Variants in COL25A1 observed in about 807,000 individuals in gnomAD.
COL25A1 encodes collagen alpha-1(XXV) chain.
Under a neutral mutation model 128.4 loss-of-function variants are expected in COL25A1, and 103 were observed. The observed-to-expected ratio is 0.80, with a 90% CI of 0.68 to 0.94. The LOEUF is 0.94. Ranked by LOEUF, COL25A1 falls within the 40% of genes least tolerant of loss-of-function variation. COL25A1 has a pLI of 0.00. For synonymous variants in COL25A1, 279 were observed against 277.2 expected (o/e 1.01, Z -0.06); for missense variants, 745 against 840.0 (o/e 0.89, Z 1.40).
rs186110605 is a variant in COL25A1 at position 108,924,644 on chromosome 4, A to C, written c.709-4040T>G. Among the ~76,000 whole-genome samples the C allele has an allele frequency of 2.4e-3, 359 of 152,260 alleles. 1 individual carries two copies. The highest frequency in any genetic ancestry group is 8.4e-3 in the African/African-American group (347 of 41,552). On this transcript the variant is annotated intron_variant, in intron 11 of 37. Transcript: ENST00000399132. ...CCCTTAGCTAACGTAACGTTCACCT[A>C]ATGACGACCCTACTTTTGGTCTCCT... is the stretch of plus-strand genomic sequence containing the variant.
At chr4:108,898,156 C>A (rs1742361099) in intron 15 of COL25A1, among the ~76,000 whole-genome samples, 1 of 152,132 alleles carries the variant, frequency 6.6e-6, no homozygotes, top group African/African-American at 2.4e-5. Context: ...AACAAACCAA[C>A]CTTCTTAGTA....
At chr4:109,094,522 T>C (rs1047563754) in intron 3 of COL25A1, among the ~76,000 whole-genome samples, 1 of 152,248 alleles carries the variant, frequency 6.6e-6, no homozygotes, top group African/African-American at 2.4e-5. Context: ...TGTGGTTTTA[T>C]ATTTGCTAAC....
At chr4:109,002,643 C>T (rs6533401) in intron 6 of COL25A1, among the ~76,000 whole-genome samples, 120,979 of 152,036 alleles carry the variant, frequency 0.8, 49,291 homozygotes, top group East Asian at 1. Context: ...GTGAAAAATA[C>T]GTTAATTTGA....
chr4:109,012,510 G>C (rs1030817760), intron 5 of COL25A1, among the ~76,000 whole-genome samples: 1 of 152,168 alleles, frequency 6.6e-6, no homozygotes, highest in Non-Finnish European at 1.5e-5. Context: ...TGCGTGCAGC[G>C]CTCGTGGGCC....
chr4:108,819,149 C>T (rs1731528701), intron 36 of COL25A1, 103 bp downstream of exon 36: 1 of 799,246 alleles, frequency 1.3e-6, no homozygotes, highest in East Asian at 2.6e-5. Context: ...GTGTGTTTAT[C>T]ATGTAAAGCT....
At chr4:108,846,249 A>G (rs759938158) in intron 27 of COL25A1, 30 bp from the exon 28 acceptor site, 1 of 1,404,546 alleles carries the variant, frequency 7.1e-7, no homozygotes, top group Non-Finnish European at 1.0e-6. Context: ...TTGGCATGTA[A>G]GCAGCATAAT....
intron 3 of COL25A1, among the ~76,000 whole-genome samples, chr4:109,249,947 A>AT (rs1158098964): frequency 6.6e-6 from 1 of 152,228 alleles, no homozygotes; most frequent in Non-Finnish European, 1.5e-5. Context: ...CATGTGGAGG[A>AT]TACTGAAGCA....
chr4:109,237,910 A>G (rs957557210), intron 3 of COL25A1, among the ~76,000 whole-genome samples: 3 of 152,076 alleles, frequency 2.0e-5, no homozygotes, highest in Non-Finnish European at 4.4e-5. Flanking sequence ...GTAAAACAAT[A>G]TATTTTTTGT....
chr4:108,951,924 G>A (rs775722939), intron 8 of COL25A1, among the ~76,000 whole-genome samples: 63 of 152,200 alleles, frequency 4.1e-4, no homozygotes, highest in Middle Eastern at 3.4e-3. Flanking sequence ...CCTAAAAACC[G>A]TAAGTTCTGA....
Position 109,302,124 on chromosome 4 carries a change from C to A in COL25A1, c.-57+45G>T, listed in dbSNP as rs2126295274. The A allele has an allele frequency of 2.9e-6, 4 of 1,383,586 alleles. No individual in the cohort carries two copies. The South Asian group carries it at 6.0e-5, about 21-fold the overall frequency. 85.7% of individuals were successfully genotyped at this position (1,383,586 alleles called of 1,614,324 possible). A position where few individuals can be genotyped will look rare whatever the true frequency, so the allele number is the denominator to read the frequency against. On this transcript the variant is annotated intron_variant, in intron 1 of 37. Transcript: ENST00000399132. ...TTCCTCCAAAGTTCAGTCCCTGTGG[C>A]TGCACAACTAGTTGGTGGAGTCAAG...
rs531321378 is a variant in COL25A1, at chr4:108,897,983, A to T, written c.861+1171T>A. On this transcript the variant is annotated intron_variant, in intron 15 of 37. Transcript: ENST00000399132. ...CCTTTTCCCTCCTAATTTCTACACA[A>T]AAGAGTCACCCAGTGACTAATTAAT... Among the ~76,000 whole-genome samples the T allele has an allele frequency of 1.4e-4, 22 of 152,270 alleles. No individual in the cohort carries two copies. The East Asian group carries it at 2.5e-3, about 17-fold the overall frequency.
chr4:108,839,638 T>C (rs1734195999), intron 31 of COL25A1, among the ~76,000 whole-genome samples: 2 of 152,194 alleles, frequency 1.3e-5, no homozygotes, highest in Non-Finnish European at 2.9e-5. Context: ...AGATCTGTCA[T>C]GAACTAGCTG....
intron 6 of COL25A1, among the ~76,000 whole-genome samples, chr4:108,999,805 T>A (rs1755171517): frequency 6.6e-6 from 1 of 152,218 alleles, no homozygotes; most frequent in South Asian, 2.1e-4. Context: ...GATGAGTTCA[T>A]GTCCTTTGCA....
intron 5 of COL25A1, among the ~76,000 whole-genome samples, chr4:109,019,239 G>T (rs1161546454): frequency 6.6e-6 from 1 of 151,632 alleles, no homozygotes; most frequent in Non-Finnish European, 1.5e-5. Context: ...TCTTCAGTTT[G>T]GAGACTGAGA....
At chr4:108,859,422 C>T (rs992654888) in intron 24 of COL25A1, among the ~76,000 whole-genome samples, 1 of 152,028 alleles carries the variant, frequency 6.6e-6, no homozygotes, top group Non-Finnish European at 1.5e-5. Context: ...TAAGGCTTAA[C>T]TATATCTGAA....
intron 31 of COL25A1, chr4:108,838,261 T>C (rs1390802436): frequency 1.1e-6 from 1 of 934,418 alleles, no homozygotes; most frequent in East Asian, 2.6e-5. Flanking sequence ...TCTGAAATAG[T>C]TGCAGATTCC....
intron 6 of COL25A1, among the ~76,000 whole-genome samples, chr4:108,979,779 C>T (rs1354814287): frequency 6.6e-6 from 1 of 152,172 alleles, no homozygotes; most frequent in African/African-American, 2.4e-5. Flanking sequence ...CACTATCAGC[C>T]AGGCGATGTA....
rs147823429 is a variant in COL25A1, at chr4:109,244,057, C to A, written c.367+56526G>T. Among the ~76,000 whole-genome samples the A allele has an allele frequency of 1.2e-4, 19 of 152,006 alleles. No individual in the cohort carries two copies. The East Asian group carries it at 3.3e-3, about 26-fold the overall frequency. On this transcript the variant is annotated intron_variant, in intron 3 of 37. Transcript: ENST00000399132. ...CAAAGCAGCTCTAGACTACAGTAAA[C>A]CCCTACTTTTGTTGATCTCACAGTC...
At chr4:108,985,512 G>T (rs1185944952) in intron 6 of COL25A1, among the ~76,000 whole-genome samples, 5 of 152,126 alleles carry the variant, frequency 3.3e-5, no homozygotes, top group Non-Finnish European at 7.3e-5. Context: ...TATTTTTACG[G>T]TCTGTTTTGG....
Sources: gnomAD v4.1 joint callset for allele counts (sites outside exome capture counted in the v4.1 genomes callset) on GRCh38, gnomAD v4.1.1 for gene constraint, MANE v1.5 for transcripts, NCBI Gene and HGNC (gene_info 2026-07-23, HGNC 2026-07-21) for gene names.